GRIA2: variants seen among roughly 807,000 people sequenced by gnomAD.
GRIA2 encodes the protein glutamate ionotropic receptor AMPA type subunit 2.
In GRIA2, 14 loss-of-function variants were observed where a neutral mutation model predicts 97.3. The ratio of observed to expected loss-of-function variants is 0.14; its 90% CI spans 0.10 to 0.23. The LOEUF is 0.23. Among genes scored for constraint, GRIA2 ranks in the 10% least tolerant of loss-of-function variants. The pLI is 1.00. For synonymous variants in GRIA2, 412 were observed against 387.8 expected (o/e 1.06, Z -0.73); for missense variants, 558 against 1,069.8 (o/e 0.52, Z 6.67).
At chr4:157,248,555 A>ATATATATACGTG (rs1561009281) in intron 2 of GRIA2, among the ~76,000 whole-genome samples, 1 of 28,154 alleles carries the variant, frequency 3.6e-5, no homozygotes, top group Non-Finnish European at 6.1e-5. Context: ...GTGTGTGTGT[A>ATATATATACGTG]TATATATATA....
At chr4:157,332,549 CACTG>C (rs1289126913) in intron 6 of GRIA2, among the ~76,000 whole-genome samples, 1 of 150,054 alleles carries the variant, frequency 6.7e-6, no homozygotes, top group African/African-American at 2.4e-5. Context: ...GAAAAATAAA[CACTG>C]ACACAATTAT....
rs1331948715 is a variant in GRIA2, at chr4:157,335,811, C to A, written c.1407C>A (p.Gly469=). 1.1e-5 allele frequency: 18 copies of A among 1,612,706 alleles called. No individual in the cohort carries two copies. The highest frequency in any genetic ancestry group is 1.5e-5 in the Non-Finnish European group (18 of 1,179,224). The change falls in exon 10 of 16, where the codon GGC becomes GGA. Residue 469 remains glycine (G), a synonymous_variant. Transcript: ENST00000264426. ...ACAAGTTGACAATTGTTGGTGATGG[C>A]AAGTATGGGGCCAGGGATGCAGACA... ...FKYKLTIVGD[G]KYGARDADTK...
rs559667690 is a variant in GRIA2, at chr4:157,335,580, G to C, written c.1267-91G>C. On this transcript the variant is annotated intron_variant, in intron 9 of 15. Coordinates refer to ENST00000264426, the MANE Select transcript of GRIA2 (RefSeq NM_001083619.3). ...ATATTCTTCATTCACTCTGGCTAATGGGTAATAATTAAACCAGAAGATTTG... is the reference window on the plus strand; with the variant it reads ...ATATTCTTCATTCACTCTGGCTAATCGGTAATAATTAAACCAGAAGATTTG... 158 of 759,464 alleles carry C rather than the reference G, an allele frequency of 2.1e-4. No homozygotes were observed. The African/African-American group carries it at 2.4e-3, about 12-fold the overall frequency. The allele number at this position is 759,464 out of a possible 1,614,324, so 47.0% of individuals were successfully genotyped here. A position where few individuals can be genotyped will look rare whatever the true frequency, so the allele number is the denominator to read the frequency against.
chr4:157,305,497 T>C (rs577680813), intron 3 of GRIA2, among the ~76,000 whole-genome samples: 1 of 152,284 alleles, frequency 6.6e-6, no homozygotes, highest in African/African-American at 2.4e-5. Context: ...GAGGATAACA[T>C]TGAAAAATTT....
chr4:157,311,202 T>C (rs1734066079), intron 3 of GRIA2, among the ~76,000 whole-genome samples: 1 of 152,068 alleles, frequency 6.6e-6, no homozygotes, highest in Admixed American at 6.5e-5. Context: ...TATTTCATTA[T>C]TTACCAGTCT....
At chr4:157,285,288 T>C (rs974167409) in intron 2 of GRIA2, among the ~76,000 whole-genome samples, 1 of 151,602 alleles carries the variant, frequency 6.6e-6, no homozygotes, top group Non-Finnish European at 1.5e-5. Context: ...CATAGTTCTT[T>C]AGATAACCAC....
At chr4:157,346,985 C>T (rs1719275081) in intron 12 of GRIA2, among the ~76,000 whole-genome samples, 1 of 152,102 alleles carries the variant, frequency 6.6e-6, no homozygotes, top group African/African-American at 2.4e-5. Context: ...TACATTTAGC[C>T]TAAGTTGCCT....
At chr4:157,341,198 T>C (rs1392980132) in intron 11 of GRIA2, 66 bp from the exon 12 acceptor site, 1 of 1,038,678 alleles carries the variant, frequency 9.6e-7, no homozygotes, top group African/African-American at 1.6e-5. Flanking sequence ...TGCATAATAC[T>C]GCTAACTTGT....
At position 157,355,605 on chromosome 4, in the gene GRIA2, T is replaced by C. The variant is rs1370233202; in HGVS notation, c.2044-4291T>C. On this transcript the variant is annotated intron_variant, in intron 12 of 15. Coordinates refer to ENST00000264426, the MANE Select transcript of GRIA2 (RefSeq NM_001083619.3). ...ATATATATTTATTTATATATATATT[T>C]ATATATATTTATTTATATATATTTA... Among the ~76,000 whole-genome samples the C allele has an allele frequency of 1.1e-4, 16 of 139,688 alleles. No homozygotes were observed. In the South Asian group the frequency reaches 1.3e-3, roughly 11 times the overall value. 91.6% of individuals were successfully genotyped at this position (139,688 alleles called of 152,430 possible).
chr4:157,300,029 C>A (rs1050204220), intron 2 of GRIA2, among the ~76,000 whole-genome samples: 1 of 151,334 alleles, frequency 6.6e-6, no homozygotes, highest in African/African-American at 2.4e-5. Context: ...TTGTATAACT[C>A]ATTTTAGAAA....
rs576155493 is a variant in GRIA2, at chr4:157,306,175, G to A, written c.469+2384G>A. Among the ~76,000 whole-genome samples, 220 of 152,046 alleles carry A rather than the reference G, an allele frequency of 1.4e-3. 1 individual carries two copies. The highest frequency in any genetic ancestry group is 0.01 in the Middle Eastern group (3 of 294). On this transcript the variant is annotated intron_variant, in intron 3 of 15. Transcript: ENST00000264426. ...CATTTTTAGTTTAAGAATACACTTC[G>A]CCTTCATCCTTACCCTCACCATTGC... is the stretch of plus-strand genomic sequence containing the variant.
At chr4:157,363,171 C>T (rs912030267) in intron 15 of GRIA2, 124 bp downstream of exon 15, 1 of 1,078,964 alleles carries the variant, frequency 9.3e-7, no homozygotes, top group Non-Finnish European at 1.3e-6. Context: ...GACGTTCTTC[C>T]ATGTTCCCAG....
chr4:157,245,987 T>C (rs1399892986), intron 2 of GRIA2, among the ~76,000 whole-genome samples: 1 of 152,084 alleles, frequency 6.6e-6, no homozygotes, highest in Non-Finnish European at 1.5e-5. Context: ...TACAACCTCA[T>C]TCCAATTTTT....
chr4:157,244,841 C>G (rs186621963), intron 2 of GRIA2, among the ~76,000 whole-genome samples: 4 of 152,068 alleles, frequency 2.6e-5, no homozygotes, highest in Admixed American at 1.3e-4. Context: ...CAGGCTGAAT[C>G]AGAGTTGCTA....
At chr4:157,281,712 T>A (rs1227706494) in intron 2 of GRIA2, among the ~76,000 whole-genome samples, 1 of 152,114 alleles carries the variant, frequency 6.6e-6, no homozygotes, top group Non-Finnish European at 1.5e-5. Flanking sequence ...CTTCCCAAGG[T>A]CTTAACAAAG....
intron 4 of GRIA2, among the ~76,000 whole-genome samples, chr4:157,314,154 A>G (rs1245647438): frequency 1.3e-5 from 2 of 152,126 alleles, no homozygotes; most frequent in African/African-American, 2.4e-5. Flanking sequence ...TCAAGGGGCA[A>G]TAGTATACAC....
intron 2 of GRIA2, among the ~76,000 whole-genome samples, chr4:157,298,298 G>C (rs1029119491): frequency 2.0e-5 from 3 of 152,066 alleles, no homozygotes; most frequent in African/African-American, 7.2e-5. Context: ...ACCTAGAACA[G>C]TGCATAGTAG....
rs570895602 is a variant in GRIA2 at position 157,273,495 on chromosome 4, T to C, written c.230-30057T>C. Reference sequence around the variant, plus strand: ...GCTTCAATGGCAAAAGTAAACAGTATGCAGTTATAGATGTATAACGTAAGC... The same window carrying C: ...GCTTCAATGGCAAAAGTAAACAGTACGCAGTTATAGATGTATAACGTAAGC... On this transcript the variant is annotated intron_variant, in intron 2 of 15. Transcript: ENST00000264426. 3.3e-5 allele frequency among the ~76,000 whole-genome samples: 5 copies of C among 152,092 alleles called. No individual in the cohort carries two copies. In the East Asian group the frequency reaches 9.7e-4, roughly 30 times the overall value.
intron 2 of GRIA2, among the ~76,000 whole-genome samples, chr4:157,297,828 T>C (rs1348642293): frequency 1.3e-5 from 2 of 152,042 alleles, no homozygotes; most frequent in Non-Finnish European, 2.9e-5. Flanking sequence ...CATGAAAGAA[T>C]TGAATATTTT....
Sources: gnomAD v4.1 joint callset for allele counts (sites outside exome capture counted in the v4.1 genomes callset) on GRCh38, gnomAD v4.1.1 for gene constraint, MANE v1.5 for transcripts, NCBI Gene and HGNC (gene_info 2026-07-23, HGNC 2026-07-21) for gene names.